PSMB6: variants seen among roughly 807,000 people sequenced by gnomAD.
PSMB6 encodes proteasome 20S subunit beta 6.
PSMB6 carries 11 observed loss-of-function variants against 28.2 expected under a neutral mutation model. The ratio of observed to expected loss-of-function variants is 0.39; its 90% CI spans 0.25 to 0.65. The LOEUF is 0.65. Ranked by LOEUF, PSMB6 falls within the 30% of genes least tolerant of loss-of-function variation. PSMB6 has a pLI of 0.48. For synonymous variants in PSMB6, 126 were observed against 117.7 expected, an observed-to-expected ratio of 1.07 and a Z score of -0.45; for missense variants, 268 against 319.4, an observed-to-expected ratio of 0.84 and a Z score of 1.23.
In PSMB6 at chr17:4,798,006, C is replaced by T; in HGVS notation, c.433-3C>T. The T allele has an allele frequency of 6.2e-7, 1 of 1,614,082 alleles. No homozygotes were observed. Among genetic ancestry groups the T allele is most frequent in the Non-Finnish European group, 8.5e-7 (1 of 1,179,984 alleles). ...TGGTGACTCCTCTCCTTCTATCTGG[C>T]AGGTGTACTCAGTGCCTATGGGGGG... On this transcript the variant is annotated splice_region_variant and splice_polypyrimidine_tract_variant and intron_variant, in intron 4 of 5. Coordinates refer to ENST00000270586, the MANE Select transcript of PSMB6 (RefSeq NM_002798.3).
chr17:4,798,419 C>A lies in PSMB6; in HGVS notation c.717C>A (p.Ala239=), dbSNP rs1224555089. ...TCGCCGTTGCCACTTTACCACCCGC[C>A]TGAATCCTGGGATTCTAGTATGCAA... is the stretch of plus-strand genomic sequence containing the variant. The part of the protein sequence containing the change: ...PKFAVATLPP[A] Residue 239 remains alanine, a synonymous_variant, in exon 6 of 6, where the codon GCC becomes GCA. Coordinates refer to ENST00000270586, the MANE Select transcript of PSMB6 (RefSeq NM_002798.3). 1 of 1,614,016 alleles carries A rather than the reference C, an allele frequency of 6.2e-7. No individual in the cohort carries two copies. The highest frequency in any genetic ancestry group is 1.7e-5 in the Admixed American group (1 of 60,008).
intron 2 of PSMB6, 104 bp from the exon 3 acceptor site, chr17:4,797,334 G>GCAAT: frequency 7.2e-7 from 1 of 1,397,884 alleles, no homozygotes; most frequent in South Asian, 1.5e-5. Flanking sequence ...GGAAAAAAAG[G>GCAAT]CAATACTGGA....
In PSMB6 at chr17:4,796,243, TG is replaced by T; in HGVS notation, c.54del (p.Pro19ArgfsTer46). ...AARGAGPAPA[W>X]GPEAFTPDWE... ...TCGGGGAGCCGGGCCAGCACCGGCT[TG>T]GGGGCCGGAGGCGTTCACTCCAGAC... On this transcript the variant is annotated frameshift_variant, in exon 1 of 6. Coordinates refer to ENST00000270586, the MANE Select transcript of PSMB6 (RefSeq NM_002798.3). LOFTEE classifies it high-confidence loss of function. 1 of 1,593,656 alleles carries T rather than the reference TG, an allele frequency of 6.3e-7. No homozygotes were observed.
In PSMB6 at chr17:4,797,774, T is replaced by A; in HGVS notation, c.395T>A (p.Ile132Asn). The change falls in exon 4 of 6, where the codon ATC (isoleucine) becomes AAC (asparagine). Residue 132 changes from isoleucine to asparagine, a missense_variant. Ile to Asn is a moderately radical substitution (Grantham distance 149). Coordinates refer to ENST00000270586, the MANE Select transcript of PSMB6 (RefSeq NM_002798.3). ...YRYREDLMAGIIIAGWDPQEG... is the reference protein window; with the variant it reads ...YRYREDLMAGNIIAGWDPQEG... ...TACCGGGAAGACCTGATGGCGGGAA[T>A]CATCATCGCAGGCTGGGACCCTCAA... is the stretch of plus-strand genomic sequence containing the variant. 6.2e-7 allele frequency: 1 copy of A among 1,614,080 alleles called. No individual in the cohort carries two copies. Among genetic ancestry groups the A allele is most frequent in the South Asian group, 1.1e-5 (1 of 91,080 alleles).
At chr17:4,797,840 T>C in intron 4 of PSMB6, 29 bp downstream of exon 4, 1 of 1,613,188 alleles carries the variant, frequency 6.2e-7, no homozygotes, top group Non-Finnish European at 8.5e-7. Flanking sequence ...CAGAGCACAC[T>C]TGAGCCAGGA....
chr17:4,797,445 A>G lies in PSMB6; in HGVS notation c.178A>G (p.Ile60Val). 1.3e-6 allele frequency: 2 copies of G among 1,566,740 alleles called. No individual in the cohort carries two copies. Among genetic ancestry groups the G allele is most frequent in the African/African-American group, 1.4e-5 (1 of 73,710 alleles). The change falls in exon 3 of 6, where the codon ATC (isoleucine) becomes GTC (valine). Residue 60 changes from isoleucine to valine, a missense_variant. Coordinates refer to ENST00000270586, the MANE Select transcript of PSMB6 (RefSeq NM_002798.3). ...ADSRTTTGSY[I>V]ANRVTDKLTP... ...TATTCTGCCATCCTGCAGGTCCTAC[A>G]TCGCCAATCGAGTGACTGACAAGCT...
chr17:4,796,889 GGA>G, intron 2 of PSMB6, 94 bp downstream of exon 2: 7 of 1,059,336 alleles, frequency 6.6e-6, no homozygotes, highest in Non-Finnish European at 9.9e-6. Flanking sequence ...GACCACTGTG[GGA>G]AGAGAGGTTT....
In PSMB6 at chr17:4,796,751, T is replaced by C. The variant is rs1200334894; in HGVS notation, c.126T>C (p.Phe42=). ...STGTTIMAVQ[F]DGGVVLGADS... is the part of the protein sequence containing the mutation. ...AGACCACTATCATGGCCGTGCAGTT[T>C]GACGGGGGCGTGGTTCTGGGGGCGG... The change falls in exon 2 of 6, where the codon TTT becomes TTC. Residue 42 remains phenylalanine (F), a synonymous_variant. Coordinates refer to ENST00000270586, the MANE Select transcript of PSMB6 (RefSeq NM_002798.3). The C allele has an allele frequency of 1.9e-6, 3 of 1,609,564 alleles. No homozygotes were observed. Among genetic ancestry groups the C allele is most frequent in the Non-Finnish European group, 2.6e-6 (3 of 1,176,000 alleles).
chr17:4,796,921 A>T (rs903966165), intron 2 of PSMB6, 126 bp downstream of exon 2: 4 of 837,632 alleles, frequency 4.8e-6, no homozygotes. Context: ...CTGGAGATAA[A>T]GATTTGTCCC....
Position 4,798,341 on chromosome 17 carries a change from T to C in PSMB6, c.639T>C (p.Ile213=). 1.2e-6 allele frequency: 2 copies of C among 1,614,212 alleles called. No individual in the cohort carries two copies. Among genetic ancestry groups the C allele is most frequent in the Non-Finnish European group, 1.7e-6 (2 of 1,180,036 alleles). Residue 213 remains isoleucine (I), a synonymous_variant, in exon 6 of 6, where the codon ATT becomes ATC. Transcript: ENST00000270586. ...GAGGAGTGATCCGCCTGGCAGCCAT[T>C]GCAGAGTCAGGGGTAGAGCGGCAAG... ...SSGGVIRLAA[I]AESGVERQVL...
intron 1 of PSMB6, 147 bp downstream of exon 1, chr17:4,796,443 T>G (rs1421018893): frequency 1.5e-5 from 11 of 744,906 alleles, no homozygotes; most frequent in Non-Finnish European, 2.2e-5. Flanking sequence ...ACCCCGAAGA[T>G]GGTGGAGTGG....
intron 2 of PSMB6, chr17:4,797,005 G>T: frequency 1.7e-6 from 1 of 578,626 alleles, no homozygotes; most frequent in Non-Finnish European, 3.1e-6. Context: ...GCCCGCTTCA[G>T]TTTGGATGAG....
intron 1 of PSMB6, 145 bp downstream of exon 1, chr17:4,796,441 G>A (rs1905331755): frequency 1.3e-6 from 1 of 760,652 alleles, no homozygotes; most frequent in Admixed American, 2.6e-5. Flanking sequence ...GTACCCCGAA[G>A]ATGGTGGAGT....
intron 1 of PSMB6, 42 bp downstream of exon 1, chr17:4,796,338 G>A: frequency 1.4e-6 from 2 of 1,446,752 alleles, no homozygotes; most frequent in Non-Finnish European, 1.9e-6. Context: ...CACAAGGCCT[G>A]ACGCGATGGG....
Position 4,796,368 on chromosome 17 carries a change from G to A in PSMB6, c.102+72G>A. 5 of 1,252,754 alleles carry A rather than the reference G, an allele frequency of 4.0e-6. No homozygotes were observed. In the South Asian group the frequency reaches 6.7e-5, roughly 17 times the overall value. The allele number at this position is 1,252,754 out of a possible 1,614,324, so 77.6% of individuals were successfully genotyped here. On this transcript the variant is annotated intron_variant, in intron 1 of 5. Transcript: ENST00000270586. ...GATGGGAAGATAAAGCCTGAGTGGG[G>A]TTGAGAGATCTGGCAGGGGTGGAGA...
chr17:4,797,076 G>C (rs918582745), intron 2 of PSMB6: 1 of 444,186 alleles, frequency 2.3e-6, no homozygotes, highest in African/African-American at 2.0e-5. Context: ...TACTTTGGGA[G>C]GCCGAGGCGG....
Position 4,796,600 on chromosome 17 carries a change from AG to A in PSMB6, c.103-126del. On this transcript the variant is annotated intron_variant, in intron 1 of 5. Transcript: ENST00000270586. The stretch of plus-strand genomic sequence containing the variant: ...CATTCTGGTATTCTGCGGGGTGCTG[AG>A]GCCCCTATAAGATTTGAAAATGGTT... 1.1e-5 allele frequency: 10 copies of A among 912,360 alleles called. 1 individual carries two copies. The South Asian group carries it at 1.3e-4, about 12-fold the overall frequency. 56.5% of individuals were successfully genotyped at this position (912,360 alleles called of 1,614,324 possible).
In PSMB6 at chr17:4,797,465, C is replaced by T. The variant is rs1905371198; in HGVS notation, c.198C>T (p.Asp66=). The change falls in exon 3 of 6, where the codon GAC becomes GAT. Residue 66 remains aspartate, a synonymous_variant. Coordinates refer to ENST00000270586, the MANE Select transcript of PSMB6 (RefSeq NM_002798.3). ...TGSYIANRVT[D]KLTPIHDRIF... ...CCTACATCGCCAATCGAGTGACTGA[C>T]AAGCTGACACCTATTCACGACCGCA... is the stretch of plus-strand genomic sequence containing the variant. 1.8e-5 allele frequency: 29 copies of T among 1,583,900 alleles called. No homozygotes were observed. Among genetic ancestry groups the T allele is most frequent in the Non-Finnish European group, 2.3e-5 (27 of 1,161,530 alleles).
chr17:4,797,660 T>C (rs762692530), intron 3 of PSMB6, 22 bp from the exon 4 acceptor site: 8 of 1,611,632 alleles, frequency 5.0e-6, no homozygotes, highest in Middle Eastern at 1.7e-4. Flanking sequence ...AAACTTTCTC[T>C]GTGACTTCCC....
Sources: gnomAD v4.1 joint callset for allele counts on GRCh38, gnomAD v4.1.1 for gene constraint, MANE v1.5 for transcripts, NCBI Gene and HGNC (gene_info 2026-07-23, HGNC 2026-07-21) for gene names.